SPMIP2: variants seen among roughly 807,000 people sequenced by gnomAD.
The protein encoded by SPMIP2 is sperm microtubule inner protein 2.
chr4:159,007,173 G>T, the SPMIP2 span: 13 of 998,834 alleles, frequency 1.3e-5, no homozygotes, highest in Admixed American at 2.3e-4. Flanking sequence ...AACAGGTGGA[G>T]ATCTTCAGGC....
At chr4:159,030,519 C>T in the SPMIP2 span, among the ~76,000 whole-genome samples, 2 of 150,828 alleles carry the variant, frequency 1.3e-5, no homozygotes. Flanking sequence ...TTATTTGAGA[C>T]AGAGTATCAC....
At chr4:158,964,591 G>A in the SPMIP2 span, among the ~76,000 whole-genome samples, 4 of 130,424 alleles carry the variant, frequency 3.1e-5, no homozygotes, top group Non-Finnish European at 7.0e-5. Context: ...AGCATGCAAG[G>A]GGAGAAAAGG....
At chr4:159,053,178 G>C in the SPMIP2 span, among the ~76,000 whole-genome samples, 3 of 150,384 alleles carry the variant, frequency 2.0e-5, no homozygotes, top group Non-Finnish European at 3.0e-5. Context: ...GGATGGTCTC[G>C]ATCTCCTGAC....
the SPMIP2 span, among the ~76,000 whole-genome samples, chr4:159,038,048 A>G: frequency 5.9e-5 from 9 of 151,998 alleles, no homozygotes; most frequent in African/African-American, 1.7e-4. Flanking sequence ...CCAGTCCACT[A>G]TTAGTGGTCA....
chr4:158,898,238 T>G, the SPMIP2 span, among the ~76,000 whole-genome samples: 1 of 152,228 alleles, frequency 6.6e-6, no homozygotes, highest in Non-Finnish European at 1.5e-5. Context: ...TTGGTTACCG[T>G]AGCCTTGTTG....
the SPMIP2 span, among the ~76,000 whole-genome samples, chr4:159,032,807 TCAAAAACAG>T: frequency 7.1e-6 from 1 of 141,756 alleles, no homozygotes. Flanking sequence ...GGTAAAAAAG[TCAAAAACAG>T]ACAATACCAA....
chr4:158,965,501 G>A, the SPMIP2 span, among the ~76,000 whole-genome samples: 3 of 152,112 alleles, frequency 2.0e-5, no homozygotes, highest in East Asian at 5.8e-4. Flanking sequence ...ACTCACCCTT[G>A]GAGTTTTCTA....
chr4:158,978,037 C>A, the SPMIP2 span, among the ~76,000 whole-genome samples: 1 of 152,214 alleles, frequency 6.6e-6, no homozygotes, highest in Admixed American at 6.5e-5. Context: ...AATTTTCTCA[C>A]TTTCTCCTGT....
At chr4:159,064,206 A>G in the SPMIP2 span, 34 of 152,178 alleles carry the variant, frequency 2.2e-4, no homozygotes, top group African/African-American at 8.2e-4. Context: ...GTGAGACTCC[A>G]TCTCAAAACA....
At chr4:158,948,500 C>T in the SPMIP2 span, among the ~76,000 whole-genome samples, 1 of 151,848 alleles carries the variant, frequency 6.6e-6, no homozygotes, top group Non-Finnish European at 1.5e-5. Context: ...GATTACTGAT[C>T]CTCTGTAAAT....
chr4:158,920,789 G>A, the SPMIP2 span, among the ~76,000 whole-genome samples: 1 of 152,308 alleles, frequency 6.6e-6, no homozygotes, highest in East Asian at 1.9e-4. Context: ...CAGTAGTTCT[G>A]CTTTTGCCCT....
At chr4:158,960,519 G>A in the SPMIP2 span, among the ~76,000 whole-genome samples, 2 of 152,008 alleles carry the variant, frequency 1.3e-5, no homozygotes, top group Non-Finnish European at 1.5e-5. Context: ...TGAACAGAGA[G>A]GAAAAAAGTA....
At chr4:158,924,636 C>T in the SPMIP2 span, among the ~76,000 whole-genome samples, 1 of 152,146 alleles carries the variant, frequency 6.6e-6, no homozygotes, top group Non-Finnish European at 1.5e-5. Context: ...ACTGCCTTGG[C>T]CTCCTGAAGC....
the SPMIP2 span, among the ~76,000 whole-genome samples, chr4:159,028,870 G>T: frequency 6.6e-6 from 1 of 152,248 alleles, no homozygotes; most frequent in East Asian, 1.9e-4. Flanking sequence ...GAAGGCTGGT[G>T]GATCACTTGA....
chr4:158,898,336 C>T, the SPMIP2 span, among the ~76,000 whole-genome samples: 2 of 152,088 alleles, frequency 1.3e-5, no homozygotes, highest in African/African-American at 2.4e-5. Flanking sequence ...TTTTTGGTTC[C>T]ATATGAAATT....
the SPMIP2 span, among the ~76,000 whole-genome samples, chr4:158,938,236 A>G: frequency 1.3e-5 from 2 of 152,228 alleles, no homozygotes; most frequent in Non-Finnish European, 2.9e-5. Flanking sequence ...CAGACAGATG[A>G]ATATTGCTTA....
the SPMIP2 span, among the ~76,000 whole-genome samples, chr4:158,941,460 A>G: frequency 6.6e-6 from 1 of 152,124 alleles, no homozygotes; most frequent in Admixed American, 6.6e-5. Flanking sequence ...AGTTCCAGAC[A>G]AGCCTGGGAA....
At chr4:159,082,438 T>C in the SPMIP2 span, among the ~76,000 whole-genome samples, 3 of 144,454 alleles carry the variant, frequency 2.1e-5, no homozygotes, top group Non-Finnish European at 1.5e-5. Flanking sequence ...ATCTAACAAT[T>C]CCACTTTTCT....
At chr4:158,896,841 G>GT in the SPMIP2 span, among the ~76,000 whole-genome samples, 10,866 of 144,844 alleles carry the variant, frequency 0.075, 562 homozygotes, top group African/African-American at 0.15. Context: ...TGCCTTATTA[G>GT]TTTTTTTTTT....
Sources: gnomAD v4.1 joint callset for allele counts (sites outside exome capture counted in the v4.1 genomes callset) on GRCh38, gnomAD v4.1.1 for gene constraint, MANE v1.5 for transcripts, NCBI Gene and HGNC (gene_info 2026-07-23, HGNC 2026-07-21) for gene names.